Variants in FGF14 observed in about 807,000 individuals in gnomAD.
FGF14 encodes the protein fibroblast growth factor homologous factor 4.
FGF14 carries 5 observed loss-of-function variants against 25.5 expected under a neutral mutation model. The observed-to-expected ratio is 0.20, with a 90% CI of 0.10 to 0.41. The LOEUF (loss-of-function observed/expected upper bound fraction) is 0.41, where lower values mean the gene tolerates loss of function less well. FGF14 is among the 10% of genes least tolerant of loss of function. FGF14 has a pLI of 1.00. For missense variants in FGF14, 222 were observed against 320.1 expected, an observed-to-expected ratio of 0.69 and a Z score of 2.34; for synonymous variants, 138 against 118.3, an observed-to-expected ratio of 1.17 and a Z score of -1.08.
At chr13:102,203,992 C>T (rs543646073) in intron 1 of FGF14, among the ~76,000 whole-genome samples, 4 of 152,308 alleles carry the variant, frequency 2.6e-5, no homozygotes, top group Middle Eastern at 3.4e-3. Flanking sequence ...TGACCAGGTA[C>T]TATAGATGGC....
chr13:102,312,287 A>C (rs891509574), intron 1 of FGF14, among the ~76,000 whole-genome samples: 2 of 151,844 alleles, frequency 1.3e-5, no homozygotes, highest in Non-Finnish European at 2.9e-5. Context: ...AAAAAAACTT[A>C]AGTGGGAGAG....
At chr13:102,173,698 T>A (rs983881266) in intron 1 of FGF14, among the ~76,000 whole-genome samples, 11 of 152,150 alleles carry the variant, frequency 7.2e-5, no homozygotes, top group Admixed American at 2.0e-4. Flanking sequence ...TGGAAGACAT[T>A]ATGCTAAGTG....
At chr13:101,929,338 T>C (rs2034589472) in intron 1 of FGF14, among the ~76,000 whole-genome samples, 1 of 152,122 alleles carries the variant, frequency 6.6e-6, no homozygotes, top group South Asian at 2.1e-4. Context: ...GGTATGGGGA[T>C]TGCAGTCAGA....
chr13:102,035,752 G>A (rs1184430795), intron 1 of FGF14, among the ~76,000 whole-genome samples: 1 of 152,086 alleles, frequency 6.6e-6, no homozygotes, highest in Non-Finnish European at 1.5e-5. Context: ...GGAGTCAGAG[G>A]ATAAATACGT....
chr13:102,024,483 T>C (rs2040825758), intron 1 of FGF14, among the ~76,000 whole-genome samples: 1 of 106,672 alleles, frequency 9.4e-6, no homozygotes, highest in Non-Finnish European at 1.7e-5. Context: ...CTTTTTAATG[T>C]GGTCTGTGTT....
intron 1 of FGF14, among the ~76,000 whole-genome samples, chr13:102,252,845 G>A (rs559765284): frequency 6.6e-6 from 1 of 152,102 alleles, no homozygotes; most frequent in Admixed American, 6.5e-5. Flanking sequence ...ACAGGTCACT[G>A]TGTGTAATGT....
chr13:102,287,608 A>G (rs1418801366), intron 1 of FGF14, among the ~76,000 whole-genome samples: 1 of 152,210 alleles, frequency 6.6e-6, no homozygotes, highest in East Asian at 1.9e-4. Context: ...TAGTTGATCA[A>G]ATTTCTAATA....
chr13:101,723,633 A>G (rs1229795369), intron 4 of FGF14, among the ~76,000 whole-genome samples: 1 of 152,130 alleles, frequency 6.6e-6, no homozygotes, highest in Admixed American at 6.6e-5. Context: ...TATGTTATTA[A>G]AAATCTAATA....
chr13:102,139,799 C>T (rs935055274), intron 1 of FGF14, among the ~76,000 whole-genome samples: 1 of 152,144 alleles, frequency 6.6e-6, no homozygotes, highest in African/African-American at 2.4e-5. Context: ...CTTGATGCTG[C>T]AGGCTGGAGA....
chr13:101,904,669 G>C lies in FGF14; in HGVS notation c.193+11784C>G, dbSNP rs143399287. On this transcript the variant is annotated intron_variant, in intron 1 of 4. Coordinates refer to ENST00000376143, the MANE Select transcript of FGF14 (RefSeq NM_004115.4). ...TGTACCTTTACCTTTAGGTTAGCCT[G>C]ATTTGTTAGTATAGAAAGTTGCAAA... Among the ~76,000 whole-genome samples, 290 of 152,288 alleles carry C rather than the reference G, an allele frequency of 1.9e-3. 2 individuals are homozygous for C. Among genetic ancestry groups the C allele is most frequent in the Middle Eastern group, 3.4e-3 (1 of 294 alleles).
At chr13:102,289,479 T>C (rs971217361) in intron 1 of FGF14, among the ~76,000 whole-genome samples, 1 of 152,200 alleles carries the variant, frequency 6.6e-6, no homozygotes, top group South Asian at 2.1e-4. Flanking sequence ...AAAAACATCA[T>C]AGGCAATATG....
rs552716429 is a variant in FGF14, at chr13:101,934,654, A to C, written c.209-59358T>G. On this transcript the variant is annotated intron_variant, in intron 1 of 4. Coordinates refer to the FGF14 transcript ENST00000376131. The stretch of plus-strand genomic sequence containing the variant: ...ATTAATTCAAATGAACATCAGAAAA[A>C]CCCATTAACTGAAATGAAGCATCAA... Among the ~76,000 whole-genome samples, 7 of 152,314 alleles carry C rather than the reference A, an allele frequency of 4.6e-5. No homozygotes were observed. The South Asian group carries it at 1.5e-3, about 32-fold the overall frequency.
intron 1 of FGF14, among the ~76,000 whole-genome samples, chr13:101,898,995 T>C (rs571766142): frequency 1.3e-3 from 192 of 152,278 alleles, no homozygotes; most frequent in Middle Eastern, 0.01. Context: ...TCCACAATGC[T>C]AAGGAGACAA....
At chr13:102,004,021 A>C (rs917965372) in intron 1 of FGF14, among the ~76,000 whole-genome samples, 1 of 152,020 alleles carries the variant, frequency 6.6e-6, no homozygotes, top group Non-Finnish European at 1.5e-5. Flanking sequence ...TGTTATTCCC[A>C]CTGACAGGAA....
At chr13:101,814,661 G>T (rs1219482487) in intron 3 of FGF14, among the ~76,000 whole-genome samples, 1 of 152,106 alleles carries the variant, frequency 6.6e-6, no homozygotes, top group Non-Finnish European at 1.5e-5. Context: ...TCATATAAAT[G>T]GAATCATATA....
At chr13:102,015,980 A>AT (rs1310776071) in intron 1 of FGF14, among the ~76,000 whole-genome samples, 1 of 152,168 alleles carries the variant, frequency 6.6e-6, no homozygotes, top group Non-Finnish European at 1.5e-5. Context: ...AGGCTGAGAG[A>AT]TTAGAGCACT....
chr13:102,255,071 G>T (rs1251527419), intron 1 of FGF14, among the ~76,000 whole-genome samples: 1 of 152,170 alleles, frequency 6.6e-6, no homozygotes, highest in African/African-American at 2.4e-5. Context: ...CTGTTTCCAT[G>T]AATCAAAACT....
chr13:102,023,760 A>G (rs1404586273), intron 1 of FGF14, among the ~76,000 whole-genome samples: 1 of 152,076 alleles, frequency 6.6e-6, no homozygotes, highest in Non-Finnish European at 1.5e-5. Context: ...ATGTCATAAC[A>G]GGGTGCACTG....
chr13:101,901,412 G>A (rs2031528201), intron 1 of FGF14, among the ~76,000 whole-genome samples: 1 of 152,084 alleles, frequency 6.6e-6, no homozygotes, highest in Non-Finnish European at 1.5e-5. Flanking sequence ...ATATCAAAAT[G>A]GGGAATTCAG....
Sources: gnomAD v4.1 joint callset for allele counts (sites outside exome capture counted in the v4.1 genomes callset) on GRCh38, gnomAD v4.1.1 for gene constraint, MANE v1.5 for transcripts, NCBI Gene and HGNC (gene_info 2026-07-23, HGNC 2026-07-21) for gene names.